CRCP: variants seen among roughly 807,000 people sequenced by gnomAD.
The protein encoded by CRCP is CGRP receptor component.
A neutral mutation model predicts 18.5 loss-of-function variants in CRCP; 18 were observed. That is an observed-to-expected ratio of 0.97 (90% CI 0.67 to 1.44). The LOEUF is 1.44. Ranked by LOEUF, CRCP falls within the 40% of genes most tolerant of loss-of-function variation. CRCP has a pLI of 0.00. For missense variants in CRCP, 130 were observed against 176.4 expected (o/e 0.74, Z 1.49); for synonymous variants, 53 against 62.9 (o/e 0.84, Z 0.75).
intron 4 of CRCP, among the ~76,000 whole-genome samples, chr7:66,144,531 G>A (rs316325): frequency 0.1 from 15,857 of 152,166 alleles, 1,006 homozygotes; most frequent in South Asian, 0.2. Flanking sequence ...TGGCTCTGTC[G>A]CCCAGGCTGG....
chr7:66,142,586 T>C (rs973300298), intron 4 of CRCP, among the ~76,000 whole-genome samples: 9 of 152,316 alleles, frequency 5.9e-5, no homozygotes, highest in African/African-American at 1.9e-4. Flanking sequence ...CTCAGACTCC[T>C]GGGCTCAAGC....
chr7:66,137,065 G>A lies in CRCP; in HGVS notation c.239+2691G>A, dbSNP rs1469861589. ...CACTGCACTCCAGCCTGGCGACAGA[G>A]CGAGACTGTCTCAAAAAAAAATTTA... On this transcript the variant is annotated intron_variant, in intron 4 of 5. Transcript: ENST00000395326. 2.0e-5 allele frequency among the ~76,000 whole-genome samples: 3 copies of A among 151,694 alleles called. No individual in the cohort carries two copies. The East Asian group carries it at 5.8e-4, about 29-fold the overall frequency.
At chr7:66,137,123 TA>T (rs1309549150) in intron 4 of CRCP, among the ~76,000 whole-genome samples, 19 of 149,596 alleles carry the variant, frequency 1.3e-4, no homozygotes, top group Non-Finnish European at 2.4e-4. Context: ...AGTCAAAGGT[TA>T]AAAAAAAACA....
At chr7:66,142,035 T>C (rs1788156129) in intron 4 of CRCP, among the ~76,000 whole-genome samples, 2 of 152,072 alleles carry the variant, frequency 1.3e-5, no homozygotes, top group Non-Finnish European at 2.9e-5. Context: ...GATCTTCTGG[T>C]CATCTCGTTA....
chr7:66,145,612 A>G, intron 5 of CRCP, 112 bp downstream of exon 5: 2 of 1,111,494 alleles, frequency 1.8e-6, no homozygotes, highest in Non-Finnish European at 2.7e-6. Context: ...CAACCACTCC[A>G]TTTCTTAAGG....
chr7:66,139,835 AT>A (rs1788079950), intron 4 of CRCP, among the ~76,000 whole-genome samples: 1 of 152,110 alleles, frequency 6.6e-6, no homozygotes, highest in South Asian at 2.1e-4. Context: ...ATTTGTGTTG[AT>A]TGATACTCAA....
At chr7:66,118,792 A>C (rs1787348928) in intron 1 of CRCP, among the ~76,000 whole-genome samples, 1 of 152,188 alleles carries the variant, frequency 6.6e-6, no homozygotes, top group African/African-American at 2.4e-5. Context: ...TAAATGACTA[A>C]AACAGTAAGC....
rs554789042 is a variant in CRCP at position 66,124,787 on chromosome 7, C to G, written c.9-2917C>G. Among the ~76,000 whole-genome samples the G allele has an allele frequency of 7.8e-5, 10 of 128,446 alleles. No individual in the cohort carries two copies. In the East Asian group the frequency reaches 2.4e-3, roughly 30 times the overall value. The allele number at this position is 128,446 out of a possible 152,430, so 84.3% of individuals were successfully genotyped here. A position where few individuals can be genotyped will look rare whatever the true frequency, so the allele number is the denominator to read the frequency against. ...TTGTAGATAGCAGATCATTTCACCC[C>G]TTCTTGAAAAAGGGCATTCTATGTA... On this transcript the variant is annotated intron_variant, in intron 1 of 5. Transcript: ENST00000395326.
chr7:66,115,099 T>A (rs1787214639), intron 1 of CRCP, 129 bp downstream of exon 1: 1 of 1,344,386 alleles, frequency 7.4e-7, no homozygotes, highest in Non-Finnish European at 1.0e-6. Context: ...GCCGGCCCTG[T>A]CCGGGAGGGC....
intron 1 of CRCP, among the ~76,000 whole-genome samples, chr7:66,121,719 C>G (rs1787448109): frequency 6.6e-6 from 1 of 151,976 alleles, no homozygotes; most frequent in Admixed American, 6.6e-5. Context: ...AAGTTTGTAT[C>G]CACTCTTTTA....
chr7:66,136,501 A>G (rs1321181650), intron 4 of CRCP, among the ~76,000 whole-genome samples: 1 of 152,040 alleles, frequency 6.6e-6, no homozygotes, highest in African/African-American at 2.4e-5. Flanking sequence ...AAGTTCTGGG[A>G]TTACAGGTGT....
Position 66,152,548 on chromosome 7 carries a change from C to A in CRCP, c.*191C>A, listed in dbSNP as rs1023225686. 1.1e-5 allele frequency: 7 copies of A among 619,416 alleles called. No individual in the cohort carries two copies. Among genetic ancestry groups the A allele is most frequent in the African/African-American group, 1.1e-4 (6 of 53,994 alleles). The allele number at this position is 619,416 out of a possible 1,614,324, so 38.4% of individuals were successfully genotyped here. On this transcript the variant is annotated 3_prime_UTR_variant, in exon 6 of 6. Coordinates refer to ENST00000395326, the MANE Select transcript of CRCP (RefSeq NM_014478.5). ...TTGGGGAGAAGAAACATGGTGAAAA[C>A]AGGCTGAGGTTGTCAGGGCAGAGAG... is the stretch of plus-strand genomic sequence containing the variant.
chr7:66,127,566 TCTC>T, intron 1 of CRCP, 135 bp from the exon 2 acceptor site: 1 of 911,332 alleles, frequency 1.1e-6, no homozygotes, highest in Middle Eastern at 2.2e-4. Flanking sequence ...TTAGGACATT[TCTC>T]AGTTTCAATT....
intron 1 of CRCP, among the ~76,000 whole-genome samples, chr7:66,115,427 A>C (rs776716967): frequency 2.1e-4 from 32 of 152,088 alleles, no homozygotes; most frequent in Non-Finnish European, 4.0e-4. Flanking sequence ...CCCTCGGAAG[A>C]GCTGCCCTCG....
chr7:66,140,952 G>A (rs1205653225), intron 4 of CRCP, among the ~76,000 whole-genome samples: 1 of 152,182 alleles, frequency 6.6e-6, no homozygotes, highest in African/African-American at 2.4e-5. Context: ...AAAGCAGACT[G>A]TAGTATTCAA....
At chr7:66,133,300 T>C (rs1289440735) in intron 3 of CRCP, among the ~76,000 whole-genome samples, 1 of 151,998 alleles carries the variant, frequency 6.6e-6, no homozygotes, top group Non-Finnish European at 1.5e-5. Context: ...GGTCAGGAGA[T>C]CGAGACCATC....
intron 5 of CRCP, among the ~76,000 whole-genome samples, chr7:66,146,205 T>A (rs976488100): frequency 6.6e-6 from 1 of 152,206 alleles, no homozygotes; most frequent in African/African-American, 2.4e-5. Flanking sequence ...TTTCCCTGCA[T>A]AAACCGTTTA....
intron 2 of CRCP, among the ~76,000 whole-genome samples, chr7:66,128,182 A>G (rs1787673753): frequency 6.6e-6 from 1 of 152,056 alleles, no homozygotes; most frequent in African/African-American, 2.4e-5. Flanking sequence ...TGGATTTTCC[A>G]CTTTAAAATA....
chr7:66,121,981 A>T (rs1210479099), intron 1 of CRCP, among the ~76,000 whole-genome samples: 1 of 152,196 alleles, frequency 6.6e-6, no homozygotes, highest in African/African-American at 2.4e-5. Flanking sequence ...ACCAGAGTTT[A>T]GGTTTTCAGA....
Sources: gnomAD v4.1 joint callset for allele counts (sites outside exome capture counted in the v4.1 genomes callset) on GRCh38, gnomAD v4.1.1 for gene constraint, MANE v1.5 for transcripts, NCBI Gene and HGNC (gene_info 2026-07-23, HGNC 2026-07-21) for gene names.